KLF12: variants seen among roughly 807,000 people sequenced by gnomAD.
KLF12 encodes Krueppel-like factor 12.
A neutral mutation model predicts 37.8 loss-of-function variants in KLF12; 9 were observed. The ratio of observed to expected loss-of-function variants is 0.24; its 90% confidence interval spans 0.14 to 0.42. The LOEUF is 0.42. KLF12 is among the 10% of genes least tolerant of loss of function. The probability of loss-of-function intolerance (pLI) is 1.00; values close to 1 mark genes in which losing one functional copy is unlikely to be tolerated. For synonymous variants in KLF12, 208 were observed against 202.1 expected (o/e 1.03, Z -0.25); for missense variants, 411 against 516.0 (o/e 0.80, Z 1.97).
chr13:74,134,267 G>C (rs1226551634), upstream of KLF12, among the ~76,000 whole-genome samples: 1 of 151,938 alleles, frequency 6.6e-6, no homozygotes, highest in African/African-American at 2.4e-5. Flanking sequence ...CGCCGCTGCC[G>C]GCGAGCCCCG....
intron 2 of KLF12, among the ~76,000 whole-genome samples, chr13:73,957,347 G>C (rs1191691805): frequency 6.6e-6 from 1 of 152,108 alleles, no homozygotes; most frequent in Non-Finnish European, 1.5e-5. Context: ...CAACAAACAA[G>C]TGCAAAGATC....
chr13:74,153,457 T>G, the KLF12 span, among the ~76,000 whole-genome samples: 30 of 152,328 alleles, frequency 2.0e-4, no homozygotes, highest in African/African-American at 7.2e-4. Context: ...CAGCCTGGAC[T>G]TGAACATGTG....
At chr13:74,166,878 A>G in the KLF12 span, among the ~76,000 whole-genome samples, 1 of 152,194 alleles carries the variant, frequency 6.6e-6, no homozygotes, top group Non-Finnish European at 1.5e-5. Context: ...ACTGATTTAT[A>G]TCACCCAGGC....
At chr13:74,086,152 G>A (rs895312117) in intron 1 of KLF12, among the ~76,000 whole-genome samples, 2 of 151,340 alleles carry the variant, frequency 1.3e-5, no homozygotes, top group African/African-American at 2.4e-5. Flanking sequence ...AAGTTTTAGG[G>A]TACACGTGCA....
chr13:74,240,944 C>G, the KLF12 span, among the ~76,000 whole-genome samples: 1 of 150,554 alleles, frequency 6.6e-6, no homozygotes, highest in South Asian at 2.1e-4. Context: ...TCTCTCAGCT[C>G]GTCAAAGTCA....
rs150312081 is a variant in KLF12, at chr13:73,693,113, A to C, written c.*2377T>G. 2 of 151,354 alleles carry C rather than the reference A, an allele frequency of 1.3e-5. No individual in the cohort carries two copies. The highest frequency in any genetic ancestry group is 4.9e-5 in the African/African-American group (2 of 41,186). 9.4% of individuals were successfully genotyped at this position (151,354 alleles called of 1,614,324 possible). A position where few individuals can be genotyped will look rare whatever the true frequency, so the allele number is the denominator to read the frequency against. ...ATGAGAGCAAGCAGGACTAAATACA[A>C]ATCTACACTTCACTTGAGAGATGCA... On this transcript the variant is annotated 3_prime_UTR_variant, in exon 8 of 8. Transcript: ENST00000377669.
At chr13:73,729,112 C>A (rs540582929) in intron 6 of KLF12, among the ~76,000 whole-genome samples, 1 of 152,302 alleles carries the variant, frequency 6.6e-6, no homozygotes, top group South Asian at 2.1e-4. Context: ...TTACCTAGAA[C>A]TTTTCATATC....
At chr13:74,262,929 T>A in the KLF12 span, among the ~76,000 whole-genome samples, 1 of 152,208 alleles carries the variant, frequency 6.6e-6, no homozygotes, top group South Asian at 2.1e-4. Flanking sequence ...ACCTGGTTCT[T>A]CGTCAGTGTG....
the KLF12 span, among the ~76,000 whole-genome samples, chr13:74,264,810 A>T: frequency 6.6e-6 from 1 of 152,238 alleles, no homozygotes; most frequent in African/African-American, 2.4e-5. Flanking sequence ...ATAATAAAAT[A>T]CCTAGGGGAG....
chr13:74,183,147 T>C, the KLF12 span, among the ~76,000 whole-genome samples: 1 of 152,316 alleles, frequency 6.6e-6, no homozygotes, highest in Admixed American at 6.5e-5. Flanking sequence ...TATTGATTAA[T>C]TGAGTGTCTA....
At chr13:73,865,606 T>G (rs1285970529) in intron 3 of KLF12, among the ~76,000 whole-genome samples, 1 of 151,922 alleles carries the variant, frequency 6.6e-6, no homozygotes, top group Admixed American at 6.6e-5. Context: ...CAGAATACTA[T>G]CCCAAATTAC....
At chr13:73,844,256 T>G (rs964452593) in intron 4 of KLF12, among the ~76,000 whole-genome samples, 1 of 152,338 alleles carries the variant, frequency 6.6e-6, no homozygotes, top group East Asian at 1.9e-4. Flanking sequence ...CATTTCTAAA[T>G]TGTAAAAGAA....
intron 3 of KLF12, among the ~76,000 whole-genome samples, chr13:73,849,165 A>C (rs976180364): frequency 2.4e-4 from 36 of 152,142 alleles, no homozygotes; most frequent in African/African-American, 8.4e-4. Flanking sequence ...AAACGACCCA[A>C]AAGTCTTACT....
At chr13:73,762,836 T>C (rs374421218) in intron 6 of KLF12, among the ~76,000 whole-genome samples, 1 of 152,192 alleles carries the variant, frequency 6.6e-6, no homozygotes, top group East Asian at 1.9e-4. Flanking sequence ...GGGTGATTCA[T>C]GGGGCTTCTT....
At chr13:74,107,726 A>C (rs906418368) in intron 1 of KLF12, among the ~76,000 whole-genome samples, 5 of 152,248 alleles carry the variant, frequency 3.3e-5, no homozygotes, top group African/African-American at 1.2e-4. Context: ...GGGGAAGCCA[A>C]GACAAATCAT....
intron 5 of KLF12, among the ~76,000 whole-genome samples, chr13:73,810,691 A>T (rs1415486038): frequency 7.2e-5 from 11 of 151,986 alleles, no homozygotes; most frequent in African/African-American, 2.7e-4. Flanking sequence ...AGAATGATGC[A>T]GGAAAACAAT....
At chr13:74,174,384 G>C in the KLF12 span, among the ~76,000 whole-genome samples, 1 of 147,008 alleles carries the variant, frequency 6.8e-6, no homozygotes, top group East Asian at 2.0e-4. Context: ...CCAGGCTGGA[G>C]TGCAGTGGCG....
the KLF12 span, among the ~76,000 whole-genome samples, chr13:74,261,615 C>T: frequency 6.6e-6 from 1 of 152,174 alleles, no homozygotes; most frequent in Non-Finnish European, 1.5e-5. Context: ...TAAACACATA[C>T]ACAACAGATA....
the KLF12 span, among the ~76,000 whole-genome samples, chr13:74,304,395 T>C: frequency 5.3e-5 from 8 of 152,126 alleles, no homozygotes; most frequent in East Asian, 1.5e-3. Context: ...GAACTTATGA[T>C]GTAGAAAGCA....
Sources: allele counts gnomAD v4.1 joint callset (sites outside exome capture counted in the v4.1 genomes callset), GRCh38; gene constraint gnomAD v4.1.1; transcripts MANE v1.5; gene names NCBI Gene and HGNC (gene_info 2026-07-23, HGNC 2026-07-21).